INSYN2A: variants seen among roughly 807,000 people sequenced by gnomAD.
The protein encoded by INSYN2A is family with sequence similarity 196 member A.
In INSYN2A, 17 loss-of-function variants were observed where a neutral mutation model predicts 39.4. The observed-to-expected ratio is 0.43, with a 90% confidence interval of 0.30 to 0.65. INSYN2A has a LOEUF of 0.65. Among genes scored for constraint, INSYN2A ranks in the 30% least tolerant of loss-of-function variants. INSYN2A has a pLI of 0.14. For synonymous variants in INSYN2A, 255 were observed against 265.7 expected, an observed-to-expected ratio of 0.96 and a Z score of 0.39; for missense variants, 595 against 631.2, an observed-to-expected ratio of 0.94 and a Z score of 0.61.
At chr10:127,138,358 GT>G (rs2050893425) in intron 5 of INSYN2A, among the ~76,000 whole-genome samples, 1 of 152,126 alleles carries the variant, frequency 6.6e-6, no homozygotes, top group Non-Finnish European at 1.5e-5. Flanking sequence ...GCCTCATGGA[GT>G]AAAACAGAAA....
rs1477003257 is a variant in INSYN2A, at chr10:127,135,455, T to C, written c.*2382A>G. 1.3e-5 allele frequency: 2 copies of C among 152,662 alleles called. No homozygotes were observed. The highest frequency in any genetic ancestry group is 3.8e-4 in the East Asian group (2 of 5,202). The allele number at this position is 152,662 out of a possible 1,614,324, so 9.5% of individuals were successfully genotyped here. ...CATCTTTGATTTTTTTATTTAAAAA[T>C]TAATAAAGAACTTAACGACAAGTAT... On this transcript the variant is annotated 3_prime_UTR_variant, in exon 6 of 6. Coordinates refer to ENST00000522781, the MANE Select transcript of INSYN2A (RefSeq NM_001039762.3).
intron 4 of INSYN2A, among the ~76,000 whole-genome samples, chr10:127,157,429 G>A (rs2053189281): frequency 2.0e-5 from 3 of 152,220 alleles, no homozygotes; most frequent in Admixed American, 2.0e-4. Context: ...AAATTGAATG[G>A]GAAGCCACTA....
Position 127,184,184 on chromosome 10 carries a change from C to T in INSYN2A, c.-268-7045G>A, listed in dbSNP as rs1259019307. On this transcript the variant is annotated intron_variant, in intron 2 of 5. Transcript: ENST00000522781. ...GCTGAGCTTGGAGCAAAAGACACCC[C>T]ATGTTAAAGGCAGGACTGGACTTGG... Among the ~76,000 whole-genome samples the T allele has an allele frequency of 2.6e-5, 4 of 152,170 alleles. No homozygotes were observed. In the East Asian group the frequency reaches 7.8e-4, roughly 29 times the overall value.
chr10:127,164,302 G>A (rs2053885101), intron 4 of INSYN2A, among the ~76,000 whole-genome samples: 1 of 149,068 alleles, frequency 6.7e-6, no homozygotes, highest in Admixed American at 6.8e-5. Context: ...TCCTCCCTCA[G>A]CCTCTTGAGC....
intron 4 of INSYN2A, among the ~76,000 whole-genome samples, chr10:127,171,068 T>A (rs1035610467): frequency 6.6e-6 from 1 of 152,246 alleles, no homozygotes; most frequent in Admixed American, 6.5e-5. Context: ...AGTGGGAGCT[T>A]TGTAGATACT....
chr10:127,165,585 A>G (rs1160249056), intron 4 of INSYN2A, among the ~76,000 whole-genome samples: 2 of 152,052 alleles, frequency 1.3e-5, no homozygotes, highest in Non-Finnish European at 2.9e-5. Flanking sequence ...GTTTATTTTT[A>G]TATTGCATTG....
At position 127,175,186 on chromosome 10, in the gene INSYN2A, C is replaced by A; in HGVS notation, c.1184+26G>T. On this transcript the variant is annotated intron_variant, in intron 4 of 5. Coordinates refer to ENST00000522781, the MANE Select transcript of INSYN2A (RefSeq NM_001039762.3). This position sits in a 1 kb window ranked among gnomAD's most constrained non-coding sequence, Gnocchi z 6.3. ...CTGTGGTGATCAGCCTGCATAGCTT[C>A]CTAAGACATGGGTGAACATACATAC... The A allele has an allele frequency of 3.8e-6, 6 of 1,575,802 alleles. No individual in the cohort carries two copies. The highest frequency in any genetic ancestry group is 5.2e-6 in the Non-Finnish European group (6 of 1,155,266).
rs775366316 is a variant in INSYN2A at position 127,188,060 on chromosome 10, G to A, written c.-269+4545C>T. The stretch of plus-strand genomic sequence containing the variant: ...TGACTGAACGAAGGGCTTAATGAAT[G>A]AGTGAATGTCACGGGGGAGCAGGGA... On this transcript the variant is annotated intron_variant, in intron 2 of 5. Transcript: ENST00000522781. Among the ~76,000 whole-genome samples, 13 of 152,194 alleles carry A rather than the reference G, an allele frequency of 8.5e-5. 1 individual carries two copies. The highest frequency in any genetic ancestry group is 1.5e-4 in the Non-Finnish European group (10 of 68,038).
chr10:127,167,038 A>G (rs2054147015), intron 4 of INSYN2A, among the ~76,000 whole-genome samples: 1 of 152,150 alleles, frequency 6.6e-6, no homozygotes, highest in African/African-American at 2.4e-5. Context: ...AGAATTTGAA[A>G]TGTGTTTTAT....
chr10:127,192,799 C>CA (rs1485162593), intron 1 of INSYN2A, 69 bp from the exon 2 acceptor site: 1 of 152,224 alleles, frequency 6.6e-6, no homozygotes, highest in Admixed American at 6.5e-5. Flanking sequence ...TAGTGCTTAA[C>CA]ACAAGACATT....
chr10:127,149,684 T>C (rs2052294175), intron 5 of INSYN2A, among the ~76,000 whole-genome samples: 1 of 138,660 alleles, frequency 7.2e-6, no homozygotes, highest in African/African-American at 2.5e-5. Flanking sequence ...CCAGGGCTTT[T>C]GGCCTTCCAG....
intron 4 of INSYN2A, among the ~76,000 whole-genome samples, chr10:127,165,434 G>T (rs1175261814): frequency 6.6e-6 from 1 of 152,114 alleles, no homozygotes; most frequent in African/African-American, 2.4e-5. Flanking sequence ...CTTTGCTAGG[G>T]GGATAACCTA....
intron 2 of INSYN2A, among the ~76,000 whole-genome samples, chr10:127,184,993 T>A (rs1417408911): frequency 6.6e-6 from 1 of 152,166 alleles, no homozygotes; most frequent in African/African-American, 2.4e-5. Flanking sequence ...GACACGTTGA[T>A]GCCTGACACC....
intron 4 of INSYN2A, among the ~76,000 whole-genome samples, chr10:127,162,991 AC>A (rs2053721721): frequency 6.6e-6 from 1 of 152,156 alleles, no homozygotes; most frequent in Non-Finnish European, 1.5e-5. Flanking sequence ...GACTGTTCTA[AC>A]CCGCATGCAA....
intron 5 of INSYN2A, among the ~76,000 whole-genome samples, chr10:127,152,544 G>A (rs1471429823): frequency 3.9e-5 from 6 of 152,170 alleles, no homozygotes; most frequent in African/African-American, 1.4e-4. Flanking sequence ...AGGTGGGGGT[G>A]GTTTCAGTAA....
At chr10:127,145,120 T>C (rs2051677143) in intron 5 of INSYN2A, among the ~76,000 whole-genome samples, 1 of 152,166 alleles carries the variant, frequency 6.6e-6, no homozygotes, top group African/African-American at 2.4e-5. Flanking sequence ...ATCTTACCTG[T>C]GGCACTCTCT....
At chr10:127,138,866 C>A (rs932698845) in intron 5 of INSYN2A, among the ~76,000 whole-genome samples, 1 of 152,222 alleles carries the variant, frequency 6.6e-6, no homozygotes, top group Non-Finnish European at 1.5e-5. Context: ...AGAGCCCTCT[C>A]GTCTCCATGT....
At chr10:127,192,495 A>G (rs1462818917) in intron 2 of INSYN2A, 110 bp downstream of exon 2, 1 of 152,232 alleles carries the variant, frequency 6.6e-6, no homozygotes, top group Non-Finnish European at 1.5e-5. Flanking sequence ...GTGATTTGTC[A>G]TCTGATAACA....
At chr10:127,180,755 C>T (rs2055646996) in intron 2 of INSYN2A, among the ~76,000 whole-genome samples, 1 of 152,076 alleles carries the variant, frequency 6.6e-6, no homozygotes, top group East Asian at 1.9e-4. Context: ...TACATTCACT[C>T]TGGGCGGCCA....
Sources: allele counts gnomAD v4.1 joint callset (sites outside exome capture counted in the v4.1 genomes callset), GRCh38; gene constraint gnomAD v4.1.1; non-coding constraint Gnocchi (gnomAD v3.1); transcripts MANE v1.5; gene names NCBI Gene and HGNC (gene_info 2026-07-23, HGNC 2026-07-21).